The following EHMT1 variants were observed in gnomAD, a reference collection of about 807,000 sequenced individuals.
The protein encoded by EHMT1 is histone-lysine N-methyltransferase EHMT1.
Under a neutral mutation model 147.2 loss-of-function variants are expected in EHMT1, and 15 were observed. That is an observed-to-expected ratio of 0.10 (90% CI 0.07 to 0.16). EHMT1 has a LOEUF of 0.16. Ranked by LOEUF, EHMT1 falls within the 10% of genes least tolerant of loss-of-function variation. The pLI is 1.00. For synonymous variants in EHMT1, 795 were observed against 709.6 expected (o/e 1.12, Z -1.91); for missense variants, 1,587 against 1,772.4 (o/e 0.90, Z 1.88).
chr9:137,621,559 A>C (rs1176620757), intron 1 of EHMT1, among the ~76,000 whole-genome samples: 1 of 152,018 alleles, frequency 6.6e-6, no homozygotes, highest in Non-Finnish European at 1.5e-5. Flanking sequence ...TTATCTGGGC[A>C]TAGTGGTGTG....
At chr9:137,683,260 T>C (rs1942132736) in intron 1 of EHMT1, among the ~76,000 whole-genome samples, 1 of 152,192 alleles carries the variant, frequency 6.6e-6, no homozygotes. Flanking sequence ...AGACAAGAGA[T>C]CAGAGTCCCT....
Position 137,732,657 on chromosome 9 carries a change from A to T in EHMT1, c.823+4128A>T, listed in dbSNP as rs1247401470. ...AGGAAGTTCTCACTCCAGGTTGTGGATTCTGCCGGGAACTGGCAGCCCGGT... is the reference window on the plus strand; with the variant it reads ...AGGAAGTTCTCACTCCAGGTTGTGGTTTCTGCCGGGAACTGGCAGCCCGGT... On this transcript the variant is annotated intron_variant, in intron 4 of 26. Transcript: ENST00000460843. The surrounding 1 kb of genome is among the most constrained non-coding windows in gnomAD (Gnocchi z 4.6). 1.3e-5 allele frequency among the ~76,000 whole-genome samples: 2 copies of T among 152,174 alleles called. No individual in the cohort carries two copies. Among genetic ancestry groups the T allele is most frequent in the East Asian group, 3.9e-4 (2 of 5,188 alleles).
intron 1 of EHMT1, among the ~76,000 whole-genome samples, chr9:137,701,374 C>G (rs1160846152): frequency 1.3e-5 from 2 of 152,066 alleles, no homozygotes; most frequent in Non-Finnish European, 2.9e-5. Context: ...ACCTCTGTCC[C>G]CCAGGCTCTA....
At chr9:137,798,748 A>G in intron 16 of EHMT1, 65 bp from the exon 17 acceptor site, 5 of 1,346,102 alleles carry the variant, frequency 3.7e-6, no homozygotes, top group Non-Finnish European at 5.3e-6. Context: ...TGGATCCCGC[A>G]CTCAGGGCTG....
chr9:137,780,058 G>A (rs981469350), intron 14 of EHMT1, among the ~76,000 whole-genome samples: 4 of 151,894 alleles, frequency 2.6e-5, no homozygotes, highest in African/African-American at 9.7e-5. Context: ...ACGCTGAGAT[G>A]TGTGGTGATG....
chr9:137,621,213 T>A (rs185918185), intron 1 of EHMT1, among the ~76,000 whole-genome samples: 38 of 152,306 alleles, frequency 2.5e-4, no homozygotes, highest in African/African-American at 7.9e-4. Flanking sequence ...CCCCTGTGTG[T>A]AGCGCAGCAA....
At chr9:137,711,756 G>A (rs1944748330) in intron 2 of EHMT1, among the ~76,000 whole-genome samples, 1 of 152,104 alleles carries the variant, frequency 6.6e-6, no homozygotes, top group African/African-American at 2.4e-5. Flanking sequence ...AGGGCAGGTG[G>A]CGCCAGACGA....
intron 1 of EHMT1, among the ~76,000 whole-genome samples, chr9:137,693,463 C>G (rs1381077977): frequency 6.6e-6 from 1 of 152,070 alleles, no homozygotes; most frequent in Non-Finnish European, 1.5e-5. Context: ...GTTAAGAAAC[C>G]AAGGTTACGC....
At chr9:137,785,930 G>A (rs1951927486) in intron 15 of EHMT1, 1 of 152,268 alleles carries the variant, frequency 6.6e-6, no homozygotes, top group Admixed American at 6.5e-5. Context: ...TATGCTAACT[G>A]AGTTGTCCAG....
intron 1 of EHMT1, among the ~76,000 whole-genome samples, chr9:137,625,555 C>T (rs1343513032): frequency 6.6e-6 from 1 of 151,998 alleles, no homozygotes; most frequent in African/African-American, 2.4e-5. Context: ...CCAGTTTGGT[C>T]TCACATTCCT....
At chr9:137,730,483 G>T (rs909832523) in intron 4 of EHMT1, among the ~76,000 whole-genome samples, 2 of 152,128 alleles carry the variant, frequency 1.3e-5, no homozygotes, top group African/African-American at 2.4e-5. Flanking sequence ...AGAGATGGGG[G>T]TCTCGCTATG....
intron 15 of EHMT1, among the ~76,000 whole-genome samples, chr9:137,790,494 C>G (rs1265446322): frequency 6.6e-6 from 1 of 152,190 alleles, no homozygotes; most frequent in Non-Finnish European, 1.5e-5. Context: ...GCACCTCCCT[C>G]CTGCCTCCTC....
intron 3 of EHMT1, among the ~76,000 whole-genome samples, chr9:137,717,810 G>A (rs1945498571): frequency 6.6e-6 from 1 of 152,170 alleles, no homozygotes; most frequent in Non-Finnish European, 1.5e-5. Flanking sequence ...TCCAGCTAGG[G>A]AAGACTCAGC....
chr9:137,784,090 A>C (rs1031859795), intron 15 of EHMT1: 1 of 1,247,450 alleles, frequency 8.0e-7, no homozygotes, highest in Admixed American at 2.0e-5. Flanking sequence ...AAAGAAAAGA[A>C]ATTTATTTCT....
rs558400229 is a variant in EHMT1, at chr9:137,622,960, C to T, written c.21+3911C>T. On this transcript the variant is annotated intron_variant, in intron 1 of 26. Coordinates refer to ENST00000460843, the MANE Select transcript of EHMT1 (RefSeq NM_024757.5). ...GCGCGGTGTCTCACACCTGTAATCCCAGCACTTTGGGAGGCTGAGGTGGGT... is the reference window on the plus strand; with the variant it reads ...GCGCGGTGTCTCACACCTGTAATCCTAGCACTTTGGGAGGCTGAGGTGGGT... Among the ~76,000 whole-genome samples the T allele has an allele frequency of 1.7e-3, 257 of 151,196 alleles. 2 individuals carry two copies. The highest frequency in any genetic ancestry group is 5.7e-3 in the African/African-American group (234 of 41,194).
At chr9:137,822,366 A>G (rs1338050899) in intron 25 of EHMT1, among the ~76,000 whole-genome samples, 1 of 152,150 alleles carries the variant, frequency 6.6e-6, no homozygotes, top group Non-Finnish European at 1.5e-5. Flanking sequence ...ATGGACATGA[A>G]TTTTTATTTC....
intron 6 of EHMT1, among the ~76,000 whole-genome samples, chr9:137,751,473 A>G (rs1321442419): frequency 6.6e-6 from 1 of 152,138 alleles, no homozygotes; most frequent in Non-Finnish European, 1.5e-5. Flanking sequence ...CCTTGATGTG[A>G]AGTCGCATGG....
intron 25 of EHMT1, among the ~76,000 whole-genome samples, chr9:137,820,301 G>A (rs1009491998): frequency 5.3e-5 from 8 of 152,212 alleles, no homozygotes; most frequent in Non-Finnish European, 1.0e-4. Flanking sequence ...TGTGCATGCC[G>A]TGTGCAGAGT....
intron 19 of EHMT1, 64 bp downstream of exon 19, chr9:137,811,679 G>T (rs1041271352): frequency 1.3e-6 from 2 of 1,593,106 alleles, no homozygotes; most frequent in East Asian, 2.2e-5. Context: ...CAGAGAGACC[G>T]CTTGACAGTC....
Sources: gnomAD v4.1 joint callset for allele counts (sites outside exome capture counted in the v4.1 genomes callset) on GRCh38, gnomAD v4.1.1 for gene constraint, Gnocchi (gnomAD v3.1) non-coding constraint, MANE v1.5 for transcripts, NCBI Gene and HGNC (gene_info 2026-07-23, HGNC 2026-07-21) for gene names.